The following TENM4 variants were observed in gnomAD, a reference collection of about 807,000 sequenced individuals.
TENM4 encodes teneurin-4.
A neutral mutation model predicts 243.3 loss-of-function variants in TENM4; 82 were observed. That is an observed-to-expected ratio of 0.34 (90% confidence interval 0.28 to 0.40). The LOEUF is 0.40. TENM4 is among the 10% of genes least tolerant of loss of function. The pLI is 1.00. For missense variants in TENM4, 3,138 were observed against 3,673.3 expected (o/e 0.85, Z 3.77); for synonymous variants, 1,412 against 1,456.3 (o/e 0.97, Z 0.69).
In TENM4 at chr11:78,942,758, T is replaced by C. The variant is rs560737720; in HGVS notation, c.494-39235A>G. ...TTAACTTTTCACAAATACTACCTCATTTGCCTCCCTCTCCCCCTCCTACGT... is the reference window on the plus strand; with the variant it reads ...TTAACTTTTCACAAATACTACCTCACTTGCCTCCCTCTCCCCCTCCTACGT... On this transcript the variant is annotated intron_variant, in intron 6 of 33. Transcript: ENST00000278550. 7.3e-5 allele frequency among the ~76,000 whole-genome samples: 11 copies of C among 151,308 alleles called. No homozygotes were observed. The South Asian group carries it at 1.7e-3, about 23-fold the overall frequency.
intron 17 of TENM4, among the ~76,000 whole-genome samples, chr11:78,774,778 A>G (rs1856708991): frequency 6.6e-6 from 1 of 152,214 alleles, no homozygotes; most frequent in African/African-American, 2.4e-5. Context: ...GACCCAATAG[A>G]GAAGGTCAAA....
chr11:79,022,703 G>C (rs1233509462), intron 6 of TENM4, among the ~76,000 whole-genome samples: 3 of 152,150 alleles, frequency 2.0e-5, no homozygotes, highest in African/African-American at 7.2e-5. Flanking sequence ...AATTAACTTT[G>C]TAAAAAATGA....
intron 25 of TENM4, among the ~76,000 whole-genome samples, chr11:78,714,236 G>T (rs1273197698): frequency 5.3e-5 from 8 of 152,180 alleles, no homozygotes; most frequent in Non-Finnish European, 1.0e-4. Context: ...TTATTTTACA[G>T]ATTTGTGTTT....
rs987847115 is a variant in TENM4, at chr11:78,903,468, G to C, written c.549C>G (p.Leu183=). 5.8e-6 allele frequency: 9 copies of C among 1,548,728 alleles called. No homozygotes were observed. Among genetic ancestry groups the C allele is most frequent in the Non-Finnish European group, 7.9e-6 (9 of 1,145,914 alleles). Residue 183 remains leucine (L), a synonymous_variant, in exon 7 of 34, where the codon CTC becomes CTG. Transcript: ENST00000278550. ...HARLRTPPPP[L]SHAHTPNQHH... ...GCTGGTTGGGGGTGTGGGCGTGCGA[G>C]AGCGGCGGCGGCGGCGTCCGGAGCC...
At chr11:78,766,335 C>T (rs1000358558) in intron 18 of TENM4, among the ~76,000 whole-genome samples, 7 of 152,202 alleles carry the variant, frequency 4.6e-5, no homozygotes, top group Non-Finnish European at 1.0e-4. Context: ...ATCTTTGGGG[C>T]ATGGTGTCAC....
In TENM4 at chr11:78,771,032, G is replaced by A. The variant is rs1856635636; in HGVS notation, c.2499C>T (p.Ser833=). The change falls in exon 18 of 34, where the codon TCC becomes TCT. Residue 833 remains serine (S), a synonymous_variant. Transcript: ENST00000278550. ...TGCTGTCACCGCAGGCAGTCTCCATGGAAGTGTCACAGCCAGCTCCTCTCC... is the reference window on the plus strand; with the variant it reads ...TGCTGTCACCGCAGGCAGTCTCCATAGAAGTGTCACAGCCAGCTCCTCTCC... ...LGWRGAGCDT[S]METACGDSKD... The A allele has an allele frequency of 2.5e-6, 4 of 1,583,906 alleles. No homozygotes were observed. Among genetic ancestry groups the A allele is most frequent in the Non-Finnish European group, 3.4e-6 (4 of 1,165,056 alleles).
intron 1 of TENM4, among the ~76,000 whole-genome samples, chr11:79,352,991 A>G (rs116082054): frequency 0.015 from 2,251 of 152,292 alleles, 55 homozygotes; most frequent in African/African-American, 0.051. Flanking sequence ...AGGCAGACGG[A>G]TACCCTCATT....
At chr11:79,261,035 C>A (rs1432842130) in intron 2 of TENM4, among the ~76,000 whole-genome samples, 1 of 152,200 alleles carries the variant, frequency 6.6e-6, no homozygotes, top group Non-Finnish European at 1.5e-5. Context: ...AACCTGGGTT[C>A]TAAAGTGGCC....
intron 2 of TENM4, among the ~76,000 whole-genome samples, chr11:79,244,117 T>C (rs1855472727): frequency 6.6e-6 from 1 of 152,154 alleles, no homozygotes; most frequent in Non-Finnish European, 1.5e-5. Flanking sequence ...CACAAGTTGC[T>C]GGGTCCCACC....
intron 3 of TENM4, among the ~76,000 whole-genome samples, chr11:79,156,452 G>A (rs1046506700): frequency 2.0e-5 from 3 of 152,204 alleles, no homozygotes; most frequent in African/African-American, 7.2e-5. Flanking sequence ...GAAATTACTT[G>A]TAGATCCTGA....
At chr11:79,428,341 C>T (rs1190826402) in intron 1 of TENM4, among the ~76,000 whole-genome samples, 1 of 152,208 alleles carries the variant, frequency 6.6e-6, no homozygotes, top group African/African-American at 2.4e-5. Context: ...AATTTATTGT[C>T]TAAGAGATGT....
At chr11:79,137,561 A>G (rs1200855142) in intron 4 of TENM4, among the ~76,000 whole-genome samples, 1 of 152,210 alleles carries the variant, frequency 6.6e-6, no homozygotes, top group African/African-American at 2.4e-5. Context: ...GAAGGTTGTC[A>G]TTAATACCAG....
intron 9 of TENM4, among the ~76,000 whole-genome samples, chr11:78,879,853 G>A (rs557204934): frequency 3.3e-5 from 5 of 151,696 alleles, no homozygotes; most frequent in South Asian, 4.2e-4. Flanking sequence ...TGGCTGCCCC[G>A]TCTGGGAACT....
intron 1 of TENM4, among the ~76,000 whole-genome samples, chr11:79,406,141 T>C (rs1253158249): frequency 6.6e-6 from 1 of 152,172 alleles, no homozygotes; most frequent in South Asian, 2.1e-4. Context: ...CCCTACACTG[T>C]AGCACCCGAG....
chr11:79,005,702 T>C (rs1274189203), intron 6 of TENM4, among the ~76,000 whole-genome samples: 1 of 152,034 alleles, frequency 6.6e-6, no homozygotes, highest in Non-Finnish European at 1.5e-5. Context: ...GGATGCCCAC[T>C]CTCACCACTC....
intron 12 of TENM4, among the ~76,000 whole-genome samples, chr11:78,829,223 C>A (rs1165644053): frequency 6.6e-6 from 1 of 152,182 alleles, no homozygotes; most frequent in Non-Finnish European, 1.5e-5. Context: ...TCTCTGACTG[C>A]CCCTCAGTTC....
intron 15 of TENM4, among the ~76,000 whole-genome samples, chr11:78,796,649 T>C (rs892927656): frequency 2.6e-5 from 4 of 152,168 alleles, no homozygotes; most frequent in Non-Finnish European, 4.4e-5. Context: ...AACTTCTCAG[T>C]GGCTCCCAAA....
chr11:79,421,224 C>A lies in TENM4; in HGVS notation c.-321+19285G>T, dbSNP rs375100453. On this transcript the variant is annotated intron_variant, in intron 1 of 33. Coordinates refer to ENST00000278550, the MANE Select transcript of TENM4 (RefSeq NM_001098816.3). ...CTATCTTGGAATATCATTCCATTACCTTGTCTATATGTTTTCATAAATAAA... is the reference window on the plus strand; with the variant it reads ...CTATCTTGGAATATCATTCCATTACATTGTCTATATGTTTTCATAAATAAA... Among the ~76,000 whole-genome samples the A allele has an allele frequency of 2.0e-5, 3 of 152,012 alleles. No homozygotes were observed. In the South Asian group the frequency reaches 6.2e-4, roughly 32 times the overall value.
At chr11:78,891,149 G>T in intron 8 of TENM4, 89 bp downstream of exon 8, 2 of 1,223,988 alleles carry the variant, frequency 1.6e-6, no homozygotes, top group Non-Finnish European at 2.3e-6. Flanking sequence ...TCCCCCAGAA[G>T]ATCCCAGGGA....
Sources: allele counts gnomAD v4.1 joint callset (sites outside exome capture counted in the v4.1 genomes callset), GRCh38; gene constraint gnomAD v4.1.1; transcripts MANE v1.5; gene names NCBI Gene and HGNC (gene_info 2026-07-23, HGNC 2026-07-21).